The following ELP1 variants were observed in gnomAD, a reference collection of about 807,000 sequenced individuals.
ELP1 encodes elongator complex protein 1.
In ELP1, 131 loss-of-function variants were observed where a neutral mutation model predicts 183.2. The observed-to-expected ratio is 0.72, with a 90% CI of 0.62 to 0.83. ELP1 has a LOEUF of 0.83. Among genes scored for constraint, ELP1 ranks in the 40% least tolerant of loss-of-function variants. The pLI is 0.00. For missense variants in ELP1, 1,550 were observed against 1,594.9 expected (o/e 0.97, Z 0.48); for synonymous variants, 555 against 569.0 (o/e 0.98, Z 0.35).
At chr9:108,931,315 A>T in intron 1 of ELP1, 114 bp from the exon 2 acceptor site, 1 of 705,764 alleles carries the variant, frequency 1.4e-6, no homozygotes, top group Middle Eastern at 3.9e-4. Flanking sequence ...AAAAGAAAAA[A>T]CTTACCTCTC....
intron 1 of ELP1, among the ~76,000 whole-genome samples, chr9:108,932,268 T>C (rs970171559): frequency 1.3e-5 from 2 of 152,204 alleles, no homozygotes; most frequent in Non-Finnish European, 2.9e-5. Context: ...AGGAAGACAA[T>C]GATTTTAGTA....
At position 108,869,118 on chromosome 9, in the gene ELP1, G is replaced by A. The variant is rs2118907045; in HGVS notation, c.3996C>T (p.Asp1332=). 2 of 1,613,756 alleles carry A rather than the reference G, an allele frequency of 1.2e-6. No homozygotes were observed. The highest frequency in any genetic ancestry group is 1.7e-6 in the Non-Finnish European group (2 of 1,179,608). The change falls in exon 37 of 37, where the codon GAC becomes GAT. Residue 1332 remains aspartate (D), a synonymous_variant. Transcript: ENST00000374647. ...GATCCCTCCTAACTGCAGTCACTCA[G>A]TCTAGCAGGCTCAGCTTCCACTGGG... ...RRTQWKLSLL[D]
At chr9:108,882,281 C>G in intron 29 of ELP1, 94 bp from the exon 30 acceptor site, 4 of 1,036,920 alleles carry the variant, frequency 3.9e-6, no homozygotes, top group Non-Finnish European at 5.9e-6. Flanking sequence ...CTGCCTCTAT[C>G]TCCCTGGCCA....
At chr9:108,880,958 T>G (rs915261946) in intron 31 of ELP1, among the ~76,000 whole-genome samples, 2 of 152,192 alleles carry the variant, frequency 1.3e-5, no homozygotes, top group African/African-American at 4.8e-5. Context: ...TAGATGTGCA[T>G]AAAAATGCAG....
intron 33 of ELP1, 122 bp from the exon 34 acceptor site, chr9:108,878,872 A>G: frequency 1.9e-6 from 2 of 1,034,930 alleles, no homozygotes; most frequent in Non-Finnish European, 2.9e-6. Flanking sequence ...ACAGATCTCC[A>G]TTTTAAATTC....
intron 10 of ELP1, among the ~76,000 whole-genome samples, chr9:108,915,768 A>G (rs1411048997): frequency 6.6e-6 from 1 of 152,006 alleles, no homozygotes; most frequent in Non-Finnish European, 1.5e-5. Context: ...ATTTTTTTCA[A>G]TGAATACAGT....
chr9:108,917,432 A>C (rs2132027432), intron 9 of ELP1, 115 bp downstream of exon 9: 1 of 1,066,434 alleles, frequency 9.4e-7, no homozygotes, highest in Non-Finnish European at 1.4e-6. Context: ...GCACTATCGC[A>C]CTCCAACCTG....
chr9:108,885,692 T>C (rs937948672), intron 29 of ELP1, among the ~76,000 whole-genome samples: 4 of 152,352 alleles, frequency 2.6e-5, no homozygotes, highest in East Asian at 1.9e-4. Flanking sequence ...AGGCATTGCA[T>C]TGGTATAAGC....
intron 5 of ELP1, among the ~76,000 whole-genome samples, chr9:108,924,925 T>C (rs1035804848): frequency 3.3e-5 from 5 of 152,236 alleles, no homozygotes; most frequent in African/African-American, 1.2e-4. Flanking sequence ...TTTATTTCAC[T>C]TTCTAAATTG....
Position 108,896,630 on chromosome 9 carries a change from C to A in ELP1, c.2602G>T (p.Asp868Tyr). ...TCTTCAGCACTCACAGCATCAGGAT[C>A]AGAGGGAGCATTTCCTAACAGTGTT... is the stretch of plus-strand genomic sequence containing the variant. ...VHELQGNAPS[D>Y]PDAVSAEEAL... Residue 868 changes from aspartate to tyrosine, a missense_variant, in exon 25 of 37, where the codon GAT (aspartate) becomes TAT (tyrosine). Coordinates refer to ENST00000374647, the MANE Select transcript of ELP1 (RefSeq NM_003640.5). The A allele has an allele frequency of 6.2e-7, 1 of 1,614,056 alleles. No homozygotes were observed. Among genetic ancestry groups the A allele is most frequent in the Non-Finnish European group, 8.5e-7 (1 of 1,179,920 alleles).
rs1346331349 is a variant in ELP1, at chr9:108,868,779, C to T, written c.*336G>A. Reference sequence around the variant, plus strand: ...AAGACAATTTAGAAACATTGTTTTACTTGTCTTCACACTTTGGAGGTAGAA... The same window carrying T: ...AAGACAATTTAGAAACATTGTTTTATTTGTCTTCACACTTTGGAGGTAGAA... On this transcript the variant is annotated 3_prime_UTR_variant, in exon 37 of 37. Coordinates refer to ENST00000374647, the MANE Select transcript of ELP1 (RefSeq NM_003640.5). The T allele has an allele frequency of 1.8e-6, 1 of 566,286 alleles. No individual in the cohort carries two copies. Among genetic ancestry groups the T allele is most frequent in the Admixed American group, 3.2e-5 (1 of 31,430 alleles). The allele number at this position is 566,286 out of a possible 1,614,324, so 35.1% of individuals were successfully genotyped here. A position where few individuals can be genotyped will look rare whatever the true frequency, so the allele number is the denominator to read the frequency against.
chr9:108,906,777 A>G lies in ELP1; in HGVS notation c.1461-292T>C, dbSNP rs1829038665. Among the ~76,000 whole-genome samples the G allele has an allele frequency of 2.0e-5, 3 of 152,192 alleles. No individual in the cohort carries two copies. The South Asian group carries it at 6.2e-4, about 32-fold the overall frequency. ...GAAAATTACCAGCCCTAGTCCCTACACTAATGAACCCCAGAGCTTTTCCAC... is the reference window on the plus strand; with the variant it reads ...GAAAATTACCAGCCCTAGTCCCTACGCTAATGAACCCCAGAGCTTTTCCAC... On this transcript the variant is annotated intron_variant, in intron 13 of 36. Transcript: ENST00000374647.
intron 4 of ELP1, among the ~76,000 whole-genome samples, chr9:108,926,919 C>G (rs1164490404): frequency 6.6e-6 from 1 of 152,130 alleles, no homozygotes. Flanking sequence ...ATCAGTGGAG[C>G]TGGTTTACTA....
At chr9:108,871,721 C>T (rs1285142480) in intron 36 of ELP1, among the ~76,000 whole-genome samples, 3 of 152,226 alleles carry the variant, frequency 2.0e-5, no homozygotes, top group Non-Finnish European at 4.4e-5. Context: ...TTTGATCCTT[C>T]ATCTTTTTGC....
intron 14 of ELP1, 45 bp downstream of exon 14, chr9:108,906,258 A>ACT (rs777834516): frequency 6.3e-7 from 1 of 1,599,350 alleles, no homozygotes; most frequent in Non-Finnish European, 8.6e-7. Context: ...CAAAAACCTA[A>ACT]CTCCATTTGC....
At chr9:108,929,281 A>G (rs544164520) in intron 3 of ELP1, among the ~76,000 whole-genome samples, 1 of 152,348 alleles carries the variant, frequency 6.6e-6, no homozygotes, top group Non-Finnish European at 1.5e-5. Flanking sequence ...GAAAGAAGCA[A>G]TTGCTTGAAG....
intron 9 of ELP1, 135 bp downstream of exon 9, chr9:108,917,412 A>G (rs902866432): frequency 1.2e-6 from 1 of 815,080 alleles, no homozygotes; most frequent in Non-Finnish European, 2.0e-6. Context: ...GGTTGCAGTG[A>G]ACCGAGATTG....
At position 108,929,970 on chromosome 9, in the gene ELP1, A is replaced by G. The variant is rs749641319; in HGVS notation, c.151-49T>C. On this transcript the variant is annotated intron_variant, in intron 2 of 36. Transcript: ENST00000374647. ...AAATTAACCCAGTCTACTTTCAAGAATAATTGATAACATTTCCAGAAATAC... is the reference window on the plus strand; with the variant it reads ...AAATTAACCCAGTCTACTTTCAAGAGTAATTGATAACATTTCCAGAAATAC... 22 of 1,583,106 alleles carry G rather than the reference A, an allele frequency of 1.4e-5. 1 individual carries two copies. In the South Asian group the frequency reaches 2.3e-4, roughly 17 times the overall value.
Position 108,868,550 on chromosome 9 carries a change from A to G in ELP1, c.*565T>C. On this transcript the variant is annotated 3_prime_UTR_variant, in exon 37 of 37. Transcript: ENST00000374647. ...AACAGTCCCTATAGACATTGTAATTATAGGAGGCTCAGCCCAGTTATAACT... is the reference window on the plus strand; with the variant it reads ...AACAGTCCCTATAGACATTGTAATTGTAGGAGGCTCAGCCCAGTTATAACT... 1 of 434,148 alleles carries G rather than the reference A, an allele frequency of 2.3e-6. No homozygotes were observed. Among genetic ancestry groups the G allele is most frequent in the Non-Finnish European group, 4.0e-6 (1 of 248,118 alleles). The allele number at this position is 434,148 out of a possible 1,614,324, so 26.9% of individuals were successfully genotyped here.
Sources: allele counts gnomAD v4.1 joint callset (sites outside exome capture counted in the v4.1 genomes callset), GRCh38; gene constraint gnomAD v4.1.1; transcripts MANE v1.5; gene names NCBI Gene and HGNC (gene_info 2026-07-23, HGNC 2026-07-21).